LUZP2: variants seen among roughly 807,000 people sequenced by gnomAD.
LUZP2 encodes the protein leucine zipper protein 2.
A neutral mutation model predicts 51.6 loss-of-function variants in LUZP2; 52 were observed. The observed-to-expected ratio is 1.01, with a 90% CI of 0.81 to 1.27. The LOEUF (loss-of-function observed/expected upper bound fraction) is 1.27. LUZP2 is among the 50% of genes most tolerant of loss of function. The pLI, the probability that LUZP2 is intolerant of heterozygous loss-of-function variation, is 0.00. For synonymous variants in LUZP2, 154 were observed against 137.3 expected, an observed-to-expected ratio of 1.12 and a Z score of -0.85; for missense variants, 436 against 395.4, an observed-to-expected ratio of 1.10 and a Z score of -0.87.
At chr11:24,516,194 C>T (rs559938695) in intron 1 of LUZP2, among the ~76,000 whole-genome samples, 1 of 152,212 alleles carries the variant, frequency 6.6e-6, no homozygotes, top group African/African-American at 2.4e-5. Flanking sequence ...AGACCTGACA[C>T]TTACACTTGA....
chr11:24,636,418 C>A (rs1198374773), intron 1 of LUZP2, among the ~76,000 whole-genome samples: 2 of 152,120 alleles, frequency 1.3e-5, no homozygotes, highest in Non-Finnish European at 2.9e-5. Context: ...ACCTAGACTG[C>A]TTGGGCTCAA....
chr11:24,905,880 T>A, intron 5 of LUZP2, 111 bp from the exon 6 acceptor site: 1 of 650,328 alleles, frequency 1.5e-6, no homozygotes, highest in Non-Finnish European at 2.7e-6. Flanking sequence ...ACATTTTACA[T>A]CATGAAGGTC....
intron 1 of LUZP2, among the ~76,000 whole-genome samples, chr11:24,646,296 C>T (rs1855458583): frequency 6.6e-6 from 1 of 151,960 alleles, no homozygotes; most frequent in South Asian, 2.1e-4. Context: ...TCTACAAATG[C>T]TTATAACAGT....
At chr11:24,654,082 G>A (rs775051774) in intron 1 of LUZP2, among the ~76,000 whole-genome samples, 4 of 152,016 alleles carry the variant, frequency 2.6e-5, no homozygotes, top group Admixed American at 6.6e-5. Flanking sequence ...ATTACGTGTC[G>A]TTGAGCAAAA....
At chr11:25,064,011 G>A (rs1371371214) in intron 10 of LUZP2, among the ~76,000 whole-genome samples, 1 of 151,556 alleles carries the variant, frequency 6.6e-6, no homozygotes, top group African/African-American at 2.4e-5. Context: ...CAGATATCTT[G>A]TAAGATAAAC....
intron 1 of LUZP2, among the ~76,000 whole-genome samples, chr11:24,697,811 C>T (rs1857293079): frequency 6.6e-6 from 1 of 152,136 alleles, no homozygotes; most frequent in South Asian, 2.1e-4. Flanking sequence ...CTACAGATAA[C>T]ATCACCATTA....
intron 5 of LUZP2, among the ~76,000 whole-genome samples, chr11:24,824,138 C>T (rs1403966751): frequency 8.6e-5 from 13 of 151,092 alleles, no homozygotes; most frequent in Non-Finnish European, 1.3e-4. Context: ...CCGAGGCAGG[C>T]GGATCACCTG....
rs567804429 is a variant in LUZP2 at position 24,929,838 on chromosome 11, T to C, written c.522+15300T>C. On this transcript the variant is annotated intron_variant, in intron 7 of 11. Transcript: ENST00000336930. The stretch of plus-strand genomic sequence containing the variant: ...GGGGTACTGAAGTGTTCTACTATTA[T>C]TGTCGTGCTGTCTATATAATTTCTG... 7.4e-4 allele frequency among the ~76,000 whole-genome samples: 113 copies of C among 152,296 alleles called. 2 individuals carry two copies. The highest frequency in any genetic ancestry group is 3.4e-3 in the Middle Eastern group (1 of 294).
intron 5 of LUZP2, among the ~76,000 whole-genome samples, chr11:24,851,596 G>C (rs1851396772): frequency 6.6e-6 from 1 of 151,974 alleles, no homozygotes; most frequent in Admixed American, 6.6e-5. Context: ...TTGTAACTCT[G>C]ATAGGTTTTG....
chr11:24,676,494 ATAAAT>A (rs1856555644), intron 1 of LUZP2, among the ~76,000 whole-genome samples: 1 of 152,230 alleles, frequency 6.6e-6, no homozygotes, highest in Non-Finnish European at 1.5e-5. Flanking sequence ...AGATTGTAAC[ATAAAT>A]TAAAATGAGA....
At chr11:24,549,618 A>C (rs1318049441) in intron 1 of LUZP2, among the ~76,000 whole-genome samples, 2 of 152,066 alleles carry the variant, frequency 1.3e-5, no homozygotes, top group Non-Finnish European at 2.9e-5. Flanking sequence ...CATCACCACA[A>C]ACATGTAAGT....
intron 1 of LUZP2, among the ~76,000 whole-genome samples, chr11:24,584,797 A>C (rs1853002704): frequency 6.6e-6 from 1 of 152,152 alleles, no homozygotes; most frequent in Admixed American, 6.5e-5. Flanking sequence ...GAGAATTCAA[A>C]ACTATGATTG....
At chr11:24,925,745 AT>A (rs1248781710) in intron 7 of LUZP2, among the ~76,000 whole-genome samples, 8 of 151,872 alleles carry the variant, frequency 5.3e-5, no homozygotes, top group African/African-American at 1.2e-4. Context: ...TTTTAATTTA[AT>A]TTTTTTATTT....
At chr11:24,834,847 C>A (rs4506649) in intron 5 of LUZP2, among the ~76,000 whole-genome samples, 2 of 151,972 alleles carry the variant, frequency 1.3e-5, no homozygotes, top group African/African-American at 4.8e-5. Flanking sequence ...TGACCAGTGA[C>A]GATGAACTTT....
At chr11:24,533,363 A>G (rs1851073186) in intron 1 of LUZP2, among the ~76,000 whole-genome samples, 1 of 151,218 alleles carries the variant, frequency 6.6e-6, no homozygotes, top group Non-Finnish European at 1.5e-5. Flanking sequence ...TATCCTACCC[A>G]TTCAACTCCC....
At chr11:25,018,037 G>GTTTTTTTTT (rs1410360304) in intron 9 of LUZP2, among the ~76,000 whole-genome samples, 6 of 131,104 alleles carry the variant, frequency 4.6e-5, no homozygotes, top group Non-Finnish European at 7.9e-5. Flanking sequence ...TTTTGTTTCT[G>GTTTTTTTTT]TTTTTTTTTT....
At chr11:24,560,421 A>G (rs977809308) in intron 1 of LUZP2, among the ~76,000 whole-genome samples, 2 of 152,176 alleles carry the variant, frequency 1.3e-5, no homozygotes, top group Admixed American at 6.5e-5. Context: ...ATCATGATTT[A>G]TTCTGAGAGC....
At chr11:24,697,845 A>G (rs894222222) in intron 1 of LUZP2, among the ~76,000 whole-genome samples, 1 of 152,148 alleles carries the variant, frequency 6.6e-6, no homozygotes, top group Non-Finnish European at 1.5e-5. Flanking sequence ...TGGTCTTGAG[A>G]TATTTTTCAG....
At chr11:24,925,014 A>G (rs1476066475) in intron 7 of LUZP2, among the ~76,000 whole-genome samples, 1 of 152,168 alleles carries the variant, frequency 6.6e-6, no homozygotes, top group Non-Finnish European at 1.5e-5. Context: ...CAGAAAAAAA[A>G]ATCTGGAAAG....
Sources: gnomAD v4.1 joint callset for allele counts (sites outside exome capture counted in the v4.1 genomes callset) on GRCh38, gnomAD v4.1.1 for gene constraint, MANE v1.5 for transcripts, NCBI Gene and HGNC (gene_info 2026-07-23, HGNC 2026-07-21) for gene names.